YTHDC2: variants seen among roughly 807,000 people sequenced by gnomAD.
YTHDC2 encodes 3'-5' RNA helicase YTHDC2.
A neutral mutation model predicts 174.9 loss-of-function variants in YTHDC2; 45 were observed. The ratio of observed to expected loss-of-function variants is 0.26; its 90% CI spans 0.20 to 0.33. YTHDC2 has a LOEUF of 0.33. YTHDC2 is among the 10% of genes least tolerant of loss of function. The pLI, the probability that YTHDC2 is intolerant of heterozygous loss-of-function variation, is 1.00. For synonymous variants in YTHDC2, 657 were observed against 574.5 expected, an observed-to-expected ratio of 1.14 and a Z score of -2.05; for missense variants, 1,650 against 1,723.7, an observed-to-expected ratio of 0.96 and a Z score of 0.76.
At chr5:113,570,263 A>G (rs372276369) in intron 23 of YTHDC2, among the ~76,000 whole-genome samples, 14 of 151,760 alleles carry the variant, frequency 9.2e-5, no homozygotes, top group African/African-American at 3.1e-4. Flanking sequence ...TTCCTGGCTA[A>G]TTTTTGTATT....
At chr5:113,558,728 C>T (rs1396414551) in intron 17 of YTHDC2, among the ~76,000 whole-genome samples, 5 of 151,954 alleles carry the variant, frequency 3.3e-5, no homozygotes, top group African/African-American at 7.2e-5. Context: ...TCAAGACCAG[C>T]CTGGCCAACA....
At chr5:113,517,099 G>C (rs555888793) in intron 2 of YTHDC2, among the ~76,000 whole-genome samples, 1 of 152,264 alleles carries the variant, frequency 6.6e-6, no homozygotes, top group East Asian at 1.9e-4. Context: ...GGGTATATTT[G>C]CAATATGTTG....
chr5:113,553,545 T>G, intron 13 of YTHDC2, 45 bp from the exon 14 acceptor site: 1 of 1,586,508 alleles, frequency 6.3e-7, no homozygotes, highest in East Asian at 2.2e-5. Flanking sequence ...TGATTGCCTC[T>G]GATTCACAAT....
intron 2 of YTHDC2, chr5:113,517,458 T>A (rs1402122110): frequency 7.0e-6 from 3 of 429,904 alleles, no homozygotes; most frequent in Non-Finnish European, 1.4e-5. Context: ...TTCTCTTCAG[T>A]AGCATAGTCA....
intron 7 of YTHDC2, 66 bp downstream of exon 7, chr5:113,535,864 C>A: frequency 7.5e-7 from 1 of 1,327,718 alleles, no homozygotes; most frequent in South Asian, 1.5e-5. Context: ...ATTATTTATC[C>A]TAACAGAAAC....
intron 7 of YTHDC2, among the ~76,000 whole-genome samples, chr5:113,536,803 T>A (rs966900147): frequency 9.2e-5 from 14 of 152,176 alleles, no homozygotes; most frequent in Non-Finnish European, 1.5e-4. Flanking sequence ...GTTCTTCATC[T>A]TCACAAAAAT....
intron 4 of YTHDC2, among the ~76,000 whole-genome samples, chr5:113,531,618 GT>G (rs1774676044): frequency 6.6e-6 from 1 of 151,702 alleles, no homozygotes; most frequent in Non-Finnish European, 1.5e-5. Flanking sequence ...TTCCAAGAGG[GT>G]TTTTGTTTAT....
intron 17 of YTHDC2, 34 bp downstream of exon 17, chr5:113,556,168 C>T (rs758074418): frequency 3.0e-6 from 4 of 1,324,120 alleles, no homozygotes; most frequent in Middle Eastern, 1.9e-4. Context: ...CATTCAATTG[C>T]CTGTAAAATG....
At position 113,533,025 on chromosome 5, in the gene YTHDC2, T is replaced by C. The variant is rs776836421; in HGVS notation, c.822T>C (p.Tyr274=). ...RRERIGQTIG[Y]QIRLESRVSP... ...AAAGGATTGGTCAAACAATTGGTTA[T>C]CAGATCCGATTAGAAAGCAGGTAAA... is the stretch of plus-strand genomic sequence containing the variant. The change falls in exon 5 of 30, where the codon TAT becomes TAC. Residue 274 remains tyrosine (Y), a synonymous_variant. Transcript: ENST00000161863. 1 of 1,614,164 alleles carries C rather than the reference T, an allele frequency of 6.2e-7. No individual in the cohort carries two copies. Among genetic ancestry groups the C allele is most frequent in the South Asian group, 1.1e-5 (1 of 91,084 alleles).
At chr5:113,528,630 TC>T (rs1312053431) in intron 4 of YTHDC2, among the ~76,000 whole-genome samples, 1 of 151,778 alleles carries the variant, frequency 6.6e-6, no homozygotes, top group African/African-American at 2.4e-5. Context: ...TCCCTCTGCC[TC>T]CCAAGTAGCT....
In YTHDC2 at chr5:113,531,154, T is replaced by C. The variant is rs371344052; in HGVS notation, c.676-1725T>C. 1.1e-4 allele frequency among the ~76,000 whole-genome samples: 17 copies of C among 152,288 alleles called. 1 individual carries two copies. The East Asian group carries it at 1.9e-3, about 17-fold the overall frequency. On this transcript the variant is annotated intron_variant, in intron 4 of 29. Coordinates refer to ENST00000161863, the MANE Select transcript of YTHDC2 (RefSeq NM_022828.5). Reference sequence around the variant, plus strand: ...TTCTGTAGTTTGAAAATGATACACTTATCTTCTCTTTTAAAATATTTGTTG... The same window carrying C: ...TTCTGTAGTTTGAAAATGATACACTCATCTTCTCTTTTAAAATATTTGTTG...
intron 1 of YTHDC2, chr5:113,514,404 T>A: frequency 1.8e-6 from 1 of 549,244 alleles, no homozygotes; most frequent in South Asian, 1.6e-5. Flanking sequence ...CTAACCCTTT[T>A]TAAGGGGGTG....
chr5:113,577,143 G>A (rs1778108491), intron 23 of YTHDC2, among the ~76,000 whole-genome samples: 1 of 151,816 alleles, frequency 6.6e-6, no homozygotes, highest in Non-Finnish European at 1.5e-5. Flanking sequence ...TAACCTTTTT[G>A]TATACTCTAT....
intron 24 of YTHDC2, 130 bp from the exon 25 acceptor site, chr5:113,581,285 AAT>A (rs775116365): frequency 3.0e-4 from 231 of 778,690 alleles, no homozygotes; most frequent in Admixed American, 4.1e-4. Flanking sequence ...AAAATAATGA[AAT>A]TAGTAGTAAA....
intron 23 of YTHDC2, among the ~76,000 whole-genome samples, chr5:113,573,718 G>A (rs184562871): frequency 1.2e-4 from 19 of 152,064 alleles, no homozygotes; most frequent in African/African-American, 3.9e-4. Context: ...TCAGAAAGAC[G>A]GTCTTCAAGC....
chr5:113,528,102 A>C (rs112360182), intron 4 of YTHDC2, among the ~76,000 whole-genome samples: 4,778 of 152,288 alleles, frequency 0.031, 95 homozygotes, highest in African/African-American at 0.054. Context: ...TATAGAATAG[A>C]GATTATGGAA....
rs147799651 is a variant in YTHDC2 at position 113,534,355 on chromosome 5, G to A, written c.893G>A (p.Arg298His). The change falls in exon 6 of 30, where the codon CGT (arginine) becomes CAT (histidine). Residue 298 changes from arginine (R) to histidine (H), a missense_variant. Arg to His is a conservative substitution (Grantham distance 29). Coordinates refer to ENST00000161863, the MANE Select transcript of YTHDC2 (RefSeq NM_022828.5). Reference sequence around the variant, plus strand: ...TTTTGTACTAATGGGGTATTGCTTCGTACATTGATGGCAGGAGATAGTACG... The same window carrying A: ...TTTTGTACTAATGGGGTATTGCTTCATACATTGATGGCAGGAGATAGTACG... The part of the protein sequence containing the change: ...LTFCTNGVLL[R>H]TLMAGDSTLS... 3.1e-6 allele frequency: 5 copies of A among 1,612,422 alleles called. No homozygotes were observed. Among genetic ancestry groups the A allele is most frequent in the Non-Finnish European group, 4.2e-6 (5 of 1,179,144 alleles).
At position 113,513,722 on chromosome 5, in the gene YTHDC2, C is replaced by G; in HGVS notation, c.-174C>G. 2 of 683,502 alleles carry G rather than the reference C, an allele frequency of 2.9e-6. No homozygotes were observed. The highest frequency in any genetic ancestry group is 4.6e-6 in the Non-Finnish European group (2 of 437,812). 42.3% of individuals were successfully genotyped at this position (683,502 alleles called of 1,614,324 possible). A position where few individuals can be genotyped will look rare whatever the true frequency, so the allele number is the denominator to read the frequency against. ...CCTCGCCTGGCCGTGATATCAATGG[C>G]GCAGGCTTCACTTCTGCTGTGGCGG... On this transcript the variant is annotated 5_prime_UTR_variant, in exon 1 of 30. Coordinates refer to ENST00000161863, the MANE Select transcript of YTHDC2 (RefSeq NM_022828.5).
chr5:113,566,554 CAG>C (rs1171976628), intron 21 of YTHDC2, among the ~76,000 whole-genome samples: 1 of 150,386 alleles, frequency 6.6e-6, no homozygotes, highest in Non-Finnish European at 1.5e-5. Context: ...AGAATAGTAC[CAG>C]AGCCTGGATT....
Sources: allele counts gnomAD v4.1 joint callset (sites outside exome capture counted in the v4.1 genomes callset), GRCh38; gene constraint gnomAD v4.1.1; transcripts MANE v1.5; gene names NCBI Gene and HGNC (gene_info 2026-07-23, HGNC 2026-07-21).